The following MEGF10 variants were observed in gnomAD, a reference collection of about 807,000 sequenced individuals.
The protein encoded by MEGF10 is multiple EGF like domains 10.
A neutral mutation model predicts 147.5 loss-of-function variants in MEGF10; 86 were observed. That is an observed-to-expected ratio of 0.58 (90% CI 0.49 to 0.70). The LOEUF (loss-of-function observed/expected upper bound fraction) is 0.70. MEGF10 is among the 30% of genes least tolerant of loss of function. The pLI is 0.00. For synonymous variants in MEGF10, 478 were observed against 525.5 expected, an observed-to-expected ratio of 0.91 and a Z score of 1.24; for missense variants, 1,329 against 1,487.3, an observed-to-expected ratio of 0.89 and a Z score of 1.75.
the MEGF10 span, among the ~76,000 whole-genome samples, chr5:127,246,692 C>T: frequency 1.4e-5 from 2 of 147,374 alleles, no homozygotes; most frequent in East Asian, 4.0e-4. Flanking sequence ...AAATTTACAA[C>T]AATAAATTTT....
intron 4 of MEGF10, among the ~76,000 whole-genome samples, chr5:127,349,616 T>C (rs1762016160): frequency 6.6e-6 from 1 of 152,150 alleles, no homozygotes; most frequent in Admixed American, 6.6e-5. Context: ...ACTGGCTTAT[T>C]TCACTTACCG....
intron 18 of MEGF10, 90 bp from the exon 19 acceptor site, chr5:127,442,908 T>C (rs1734406201): frequency 1.4e-6 from 2 of 1,391,596 alleles, no homozygotes; most frequent in Non-Finnish European, 2.0e-6. Flanking sequence ...CTGAAAGGAC[T>C]CAGCTCTAGA....
At chr5:127,256,436 C>T in the MEGF10 span, among the ~76,000 whole-genome samples, 1 of 152,052 alleles carries the variant, frequency 6.6e-6, no homozygotes, top group Non-Finnish European at 1.5e-5. Context: ...TAATAATTAT[C>T]CCTGATGTTT....
chr5:127,420,271 T>G, intron 12 of MEGF10, 64 bp downstream of exon 12: 1 of 1,553,978 alleles, frequency 6.4e-7, no homozygotes, highest in Admixed American at 1.9e-5. Flanking sequence ...AAAGTTGGCT[T>G]CTTTTTGCAT....
At chr5:127,231,803 G>A in the MEGF10 span, among the ~76,000 whole-genome samples, 1 of 152,196 alleles carries the variant, frequency 6.6e-6, no homozygotes, top group Admixed American at 6.5e-5. Flanking sequence ...CTTGGGAGAC[G>A]GAAAACAGAA....
intron 6 of MEGF10, among the ~76,000 whole-genome samples, chr5:127,397,238 G>A (rs1763953432): frequency 6.6e-6 from 1 of 152,170 alleles, no homozygotes; most frequent in Non-Finnish European, 1.5e-5. Flanking sequence ...GGAGGAAGGT[G>A]TTAAAAATAA....
At chr5:127,419,299 C>A in intron 11 of MEGF10, 59 bp downstream of exon 11, 4 of 1,554,740 alleles carry the variant, frequency 2.6e-6, no homozygotes, top group Admixed American at 4.2e-5. Flanking sequence ...CCTAAAGACA[C>A]AAAAAAGAAA....
At chr5:127,309,994 T>TTTCTTTCTTTCTTTCTTTCCTTCC (rs781685715) in intron 1 of MEGF10, among the ~76,000 whole-genome samples, 13 of 56,860 alleles carry the variant, frequency 2.3e-4, no homozygotes, top group South Asian at 4.8e-4. Context: ...TCTTTCTTTC[T>TTTCTTTCTTTCTTTCTTTCCTTCC]TTCCTTCCTT....
chr5:127,245,460 A>C, the MEGF10 span, among the ~76,000 whole-genome samples: 12 of 152,338 alleles, frequency 7.9e-5, 1 homozygote, highest in Admixed American at 5.2e-4. Context: ...AATGAACTCA[A>C]GATGGATTAA....
At chr5:127,410,248 G>A (rs76221063) in intron 8 of MEGF10, 141 bp from the exon 9 acceptor site, 68 of 723,522 alleles carry the variant, frequency 9.4e-5, no homozygotes, top group African/African-American at 4.0e-4. Context: ...CTTTTCATCC[G>A]TGTAATGGGA....
intron 1 of MEGF10, among the ~76,000 whole-genome samples, chr5:127,326,494 C>T (rs1247611383): frequency 6.6e-6 from 1 of 152,164 alleles, no homozygotes; most frequent in Non-Finnish European, 1.5e-5. Flanking sequence ...CTAGTATTTC[C>T]ATGGAAGTCC....
At chr5:127,270,059 C>T in the MEGF10 span, among the ~76,000 whole-genome samples, 1 of 152,170 alleles carries the variant, frequency 6.6e-6, no homozygotes, top group Non-Finnish European at 1.5e-5. Context: ...ACCAGGCCTG[C>T]CCTAAAAGAG....
At chr5:127,242,198 T>C in the MEGF10 span, among the ~76,000 whole-genome samples, 2 of 152,216 alleles carry the variant, frequency 1.3e-5, no homozygotes, top group Admixed American at 1.3e-4. Flanking sequence ...GGCATTATCA[T>C]AGGATGTTTC....
intron 22 of MEGF10, among the ~76,000 whole-genome samples, chr5:127,450,790 G>A (rs934624503): frequency 1.3e-5 from 2 of 151,776 alleles, no homozygotes; most frequent in East Asian, 1.9e-4. Flanking sequence ...ACAGAGTCTC[G>A]CTCTGTCGTC....
chr5:127,377,037 G>T (rs1189523953), intron 5 of MEGF10, among the ~76,000 whole-genome samples: 4 of 152,128 alleles, frequency 2.6e-5, no homozygotes, highest in African/African-American at 9.7e-5. Context: ...GACGTTGAGG[G>T]CCCATTAATA....
chr5:127,375,974 G>C (rs544182854), intron 5 of MEGF10, among the ~76,000 whole-genome samples: 12 of 152,336 alleles, frequency 7.9e-5, no homozygotes, highest in Admixed American at 3.9e-4. Flanking sequence ...TGCTCTGACA[G>C]AGCTCATAGC....
the MEGF10 span, among the ~76,000 whole-genome samples, chr5:127,254,306 T>C: frequency 2.6e-5 from 4 of 152,186 alleles, no homozygotes; most frequent in African/African-American, 9.6e-5. Flanking sequence ...TCTTTGGTTC[T>C]ATTCATATAC....
intron 11 of MEGF10, among the ~76,000 whole-genome samples, 173 bp from the exon 12 acceptor site, chr5:127,419,871 C>T (rs1245633017): frequency 6.6e-6 from 1 of 152,090 alleles, no homozygotes; most frequent in Non-Finnish European, 1.5e-5. Context: ...GTCAGGGGTG[C>T]CTTCTGTTCA....
intron 5 of MEGF10, among the ~76,000 whole-genome samples, chr5:127,380,178 T>G (rs1763197034): frequency 6.6e-6 from 1 of 152,080 alleles, no homozygotes; most frequent in Non-Finnish European, 1.5e-5. Context: ...TCTAGCACAG[T>G]CCTGGGCACT....
Sources: gnomAD v4.1 joint callset for allele counts (sites outside exome capture counted in the v4.1 genomes callset) on GRCh38, gnomAD v4.1.1 for gene constraint, MANE v1.5 for transcripts, NCBI Gene and HGNC (gene_info 2026-07-23, HGNC 2026-07-21) for gene names.